Variants in NFIB observed in about 807,000 individuals in gnomAD.
The protein encoded by NFIB is nuclear factor 1 B-type.
NFIB carries 11 observed loss-of-function variants against 61.5 expected under a neutral mutation model. The observed-to-expected ratio is 0.18, with a 90% CI of 0.11 to 0.30. The LOEUF (loss-of-function observed/expected upper bound fraction) is 0.30. Ranked by LOEUF, NFIB falls within the 10% of genes least tolerant of loss-of-function variation. The pLI, the probability that NFIB is intolerant of heterozygous loss-of-function variation, is 1.00. For synonymous variants in NFIB, 260 were observed against 216.5 expected, an observed-to-expected ratio of 1.20 and a Z score of -1.76; for missense variants, 471 against 608.9, an observed-to-expected ratio of 0.77 and a Z score of 2.38.
At position 14,120,178 on chromosome 9, in the gene NFIB, T is replaced by A. The variant is rs2038742619; in HGVS notation, c.1245+262A>T. 6.6e-6 allele frequency among the ~76,000 whole-genome samples: 1 copy of A among 152,354 alleles called. No homozygotes were observed. The highest frequency in any genetic ancestry group is 2.4e-5 in the African/African-American group (1 of 41,586). Reference sequence around the variant, plus strand: ...AGAGCTTTCCTGTCAATGTACTTTCTGCATAAACTTTCCCTTCAGTCAGTG... The same window carrying A: ...AGAGCTTTCCTGTCAATGTACTTTCAGCATAAACTTTCCCTTCAGTCAGTG... On this transcript the variant is annotated intron_variant, in intron 8 of 10. Coordinates refer to ENST00000380953, the MANE Select transcript of NFIB (RefSeq NM_001190737.2). This position sits in a 1 kb window ranked among gnomAD's most constrained non-coding sequence, Gnocchi z 4.4.
At chr9:14,345,079 C>T (rs2061003031) in intron 1 of NFIB, among the ~76,000 whole-genome samples, 2 of 152,158 alleles carry the variant, frequency 1.3e-5, no homozygotes, top group African/African-American at 4.8e-5. Flanking sequence ...CTCTCCTGAG[C>T]TCGGCCTCCC....
At chr9:14,112,231 A>T (rs1334075730) in intron 10 of NFIB, among the ~76,000 whole-genome samples, 1 of 152,190 alleles carries the variant, frequency 6.6e-6, no homozygotes, top group Non-Finnish European at 1.5e-5. Flanking sequence ...TTAAATTCGG[A>T]ACTGTTTAGA....
the NFIB span, among the ~76,000 whole-genome samples, chr9:14,475,843 C>A: frequency 6.6e-6 from 1 of 152,252 alleles, no homozygotes; most frequent in Non-Finnish European, 1.5e-5. Flanking sequence ...ATCTCCATGC[C>A]TAAATAACAT....
the NFIB span, among the ~76,000 whole-genome samples, chr9:14,477,046 T>G: frequency 2.0e-5 from 3 of 152,342 alleles, no homozygotes; most frequent in Non-Finnish European, 4.4e-5. Context: ...GGAATACTTG[T>G]AATTGTTAAG....
intron 2 of NFIB, among the ~76,000 whole-genome samples, chr9:14,266,913 C>T (rs1020316672): frequency 1.1e-4 from 17 of 152,012 alleles, no homozygotes; most frequent in African/African-American, 3.6e-4. Context: ...TTCAATAATC[C>T]ACTAATATAA....
At chr9:14,444,673 T>TTTAACA in the NFIB span, among the ~76,000 whole-genome samples, 4 of 152,190 alleles carry the variant, frequency 2.6e-5, no homozygotes, top group Non-Finnish European at 5.9e-5. Flanking sequence ...CCATTTAACA[T>TTTAACA]TTACCAAATT....
At chr9:14,220,955 T>C (rs2051592978) in intron 2 of NFIB, among the ~76,000 whole-genome samples, 1 of 151,712 alleles carries the variant, frequency 6.6e-6, no homozygotes, top group Non-Finnish European at 1.5e-5. Flanking sequence ...AACTACGTTA[T>C]ATCCTACCTA....
intron 2 of NFIB, among the ~76,000 whole-genome samples, chr9:14,257,618 T>C (rs189170048): frequency 8.0e-4 from 122 of 152,216 alleles, no homozygotes; most frequent in Non-Finnish European, 1.2e-3. Flanking sequence ...TAGCCGGGCA[T>C]GGTTGCGGGC....
intron 2 of NFIB, among the ~76,000 whole-genome samples, chr9:14,206,556 T>C (rs1300046047): frequency 6.6e-6 from 1 of 151,998 alleles, no homozygotes; most frequent in East Asian, 1.9e-4. Flanking sequence ...CTTTTCTTCC[T>C]TGAGAGTTTC....
chr9:14,388,599 T>C (rs1165144350), intron 1 of NFIB, among the ~76,000 whole-genome samples: 3 of 151,784 alleles, frequency 2.0e-5, no homozygotes, highest in African/African-American at 7.3e-5. Context: ...CTTAAAACCA[T>C]CAAAAGTCTA....
chr9:14,495,194 G>A, the NFIB span, among the ~76,000 whole-genome samples: 1 of 152,098 alleles, frequency 6.6e-6, no homozygotes. Flanking sequence ...AGGATCAGCG[G>A]TCTAAGGAAG....
the NFIB span, among the ~76,000 whole-genome samples, chr9:14,435,651 T>G: frequency 6.6e-6 from 1 of 152,234 alleles, no homozygotes; most frequent in African/African-American, 2.4e-5. Flanking sequence ...GTTTACAACA[T>G]TCCATATATT....
At chr9:14,179,664 A>G in intron 3 of NFIB, 63 bp downstream of exon 3, 2 of 1,575,936 alleles carry the variant, frequency 1.3e-6, no homozygotes, top group Non-Finnish European at 1.7e-6. Context: ...GTGTTTATCT[A>G]TACAGTGGTA....
chr9:14,256,213 GA>G (rs2056208610), intron 2 of NFIB, among the ~76,000 whole-genome samples: 3 of 152,220 alleles, frequency 2.0e-5, no homozygotes, highest in Non-Finnish European at 4.4e-5. Flanking sequence ...ATTCCAGAGA[GA>G]TTGAATTTCA....
chr9:14,395,488 G>A lies in NFIB; in HGVS notation c.108+3036C>T, dbSNP rs1215834648. On this transcript the variant is annotated intron_variant, in intron 1 of 8. Transcript: ENST00000380934. The stretch of plus-strand genomic sequence containing the variant: ...GGCCTGGATGAATTCAAAGCAAACA[G>A]GCCTACAGGACATGAAGCCACATGT... Among the ~76,000 whole-genome samples the A allele has an allele frequency of 2.0e-5, 3 of 151,892 alleles. No individual in the cohort carries two copies. In the South Asian group the frequency reaches 6.2e-4, roughly 32 times the overall value.
At chr9:14,197,755 G>C (rs1426434469) in intron 2 of NFIB, among the ~76,000 whole-genome samples, 1 of 152,170 alleles carries the variant, frequency 6.6e-6, no homozygotes, top group Non-Finnish European at 1.5e-5. Flanking sequence ...GTGTCCCTGA[G>C]GCTGCAGCGC....
At chr9:14,436,443 C>T in the NFIB span, among the ~76,000 whole-genome samples, 1 of 152,188 alleles carries the variant, frequency 6.6e-6, no homozygotes, top group Non-Finnish European at 1.5e-5. Flanking sequence ...TTTCATTTGG[C>T]ATCTGTATGG....
chr9:14,322,839 C>G (rs1029994926), intron 1 of NFIB, among the ~76,000 whole-genome samples: 1 of 151,428 alleles, frequency 6.6e-6, no homozygotes, highest in East Asian at 2.0e-4. Context: ...CGCATGGGGC[C>G]GGAGAGCGGC....
the NFIB span, among the ~76,000 whole-genome samples, chr9:14,449,407 T>C: frequency 6.6e-6 from 1 of 152,148 alleles, no homozygotes; most frequent in Non-Finnish European, 1.5e-5. Flanking sequence ...ACTTTAAACA[T>C]CTCCTCAAAT....
Sources: gnomAD v4.1 joint callset for allele counts (sites outside exome capture counted in the v4.1 genomes callset) on GRCh38, gnomAD v4.1.1 for gene constraint, Gnocchi (gnomAD v3.1) non-coding constraint, MANE v1.5 for transcripts, NCBI Gene and HGNC (gene_info 2026-07-23, HGNC 2026-07-21) for gene names.